Variants in CTNNA3 observed in about 807,000 individuals in gnomAD.
The protein encoded by CTNNA3 is catenin alpha-3.
In CTNNA3, 76 loss-of-function variants were observed where a neutral mutation model predicts 95.7. That is an observed-to-expected ratio of 0.79 (90% confidence interval 0.66 to 0.96). The LOEUF (loss-of-function observed/expected upper bound fraction) is 0.96. CTNNA3 is among the 40% of genes least tolerant of loss of function. CTNNA3 has a pLI of 0.00. For missense variants in CTNNA3, 1,191 were observed against 1,089.8 expected (o/e 1.09, Z -1.31); for synonymous variants, 431 against 374.4 (o/e 1.15, Z -1.74).
chr10:67,462,629 T>A (rs1847422496), intron 5 of CTNNA3, among the ~76,000 whole-genome samples: 1 of 152,222 alleles, frequency 6.6e-6, no homozygotes, highest in African/African-American at 2.4e-5. Flanking sequence ...ACCAATCTAT[T>A]GTGACTAGAA....
rs146694419 is a variant in CTNNA3, at chr10:65,977,334, C to A, written c.2266-10588G>T. 9.7e-3 allele frequency among the ~76,000 whole-genome samples: 1,472 copies of A among 152,140 alleles called. 15 individuals are homozygous for A. The highest frequency in any genetic ancestry group is 0.031 in the Middle Eastern group (9 of 294). ...CGCTTGGAGCCAATATGGAATACAT[C>A]ATTTAGTAATGAGGAAAAATGTAAA... is the stretch of plus-strand genomic sequence containing the variant. On this transcript the variant is annotated intron_variant, in intron 16 of 17. Transcript: ENST00000433211.
At chr10:66,758,875 C>T (rs1839483472) in intron 9 of CTNNA3, among the ~76,000 whole-genome samples, 1 of 152,048 alleles carries the variant, frequency 6.6e-6, no homozygotes, top group African/African-American at 2.4e-5. Flanking sequence ...GCAGAGGTTG[C>T]CGTGAGCCTA....
intron 11 of CTNNA3, among the ~76,000 whole-genome samples, chr10:66,422,873 A>AC (rs144120582): frequency 0.033 from 4,968 of 151,174 alleles, 343 homozygotes; most frequent in East Asian, 0.23. Flanking sequence ...CAAGTGATCC[A>AC]CCTCCCTCGG....
At chr10:67,419,958 T>A (rs913331200) in intron 5 of CTNNA3, among the ~76,000 whole-genome samples, 1 of 152,104 alleles carries the variant, frequency 6.6e-6, no homozygotes. Flanking sequence ...TTCAAGGGAT[T>A]CTCCCACTTC....
At chr10:66,675,582 T>A (rs1270005313) in intron 9 of CTNNA3, among the ~76,000 whole-genome samples, 3 of 152,178 alleles carry the variant, frequency 2.0e-5, no homozygotes, top group African/African-American at 7.2e-5. Context: ...ACTTGCAATC[T>A]GAATTTAATT....
chr10:65,987,741 C>T (rs1229400858), intron 16 of CTNNA3, among the ~76,000 whole-genome samples: 1 of 152,068 alleles, frequency 6.6e-6, no homozygotes, highest in Admixed American at 6.6e-5. Flanking sequence ...CCTATGCTTA[C>T]TGCAGCACTG....
chr10:67,020,964 G>C (rs1177827536), intron 7 of CTNNA3, among the ~76,000 whole-genome samples: 1 of 152,180 alleles, frequency 6.6e-6, no homozygotes, highest in African/African-American at 2.4e-5. Context: ...AGGCTAGAAG[G>C]CTAGTTAAAC....
At chr10:66,638,423 C>T (rs1845407618) in intron 9 of CTNNA3, among the ~76,000 whole-genome samples, 1 of 152,102 alleles carries the variant, frequency 6.6e-6, no homozygotes, top group African/African-American at 2.4e-5. Context: ...TAATATCCTC[C>T]CGCCGCCGCC....
In CTNNA3 at chr10:67,015,107, A is replaced by T. The variant is rs74480155; in HGVS notation, c.1047+165210T>A. ...TCATCTGTCTATTTCAACATTAGGT[A>T]GTAGCTATTAACCCCATGCTATGTA... On this transcript the variant is annotated intron_variant, in intron 7 of 17. Transcript: ENST00000433211. 7.8e-3 allele frequency among the ~76,000 whole-genome samples: 1,182 copies of T among 152,256 alleles called. 41 individuals are homozygous for T. The East Asian group carries it at 0.11, about 14-fold the overall frequency.
At chr10:66,935,855 T>A (rs905972263) in intron 7 of CTNNA3, among the ~76,000 whole-genome samples, 2 of 149,896 alleles carry the variant, frequency 1.3e-5, no homozygotes, top group South Asian at 4.1e-4. Flanking sequence ...TCATTAATCC[T>A]ATACATTTTC....
chr10:67,513,178 G>C (rs763113404), intron 5 of CTNNA3, among the ~76,000 whole-genome samples: 1 of 152,088 alleles, frequency 6.6e-6, no homozygotes, highest in Non-Finnish European at 1.5e-5. Flanking sequence ...AATGCAACAA[G>C]GTTCCTACAG....
At chr10:67,595,124 C>T (rs905292136) in intron 3 of CTNNA3, among the ~76,000 whole-genome samples, 1 of 152,152 alleles carries the variant, frequency 6.6e-6, no homozygotes, top group Admixed American at 6.5e-5. Flanking sequence ...TGTTTTACGT[C>T]TCAATTTTAT....
chr10:66,594,581 C>T (rs1320448886), intron 10 of CTNNA3, among the ~76,000 whole-genome samples: 1 of 152,152 alleles, frequency 6.6e-6, no homozygotes, highest in Non-Finnish European at 1.5e-5. Context: ...GTTTCTTCTG[C>T]CTGAAAAGCT....
intron 7 of CTNNA3, among the ~76,000 whole-genome samples, chr10:67,025,181 G>T (rs1210551956): frequency 6.8e-6 from 1 of 146,042 alleles, no homozygotes; most frequent in Non-Finnish European, 1.5e-5. Context: ...AGGAAAGAAA[G>T]AAAAGAAACC....
chr10:66,938,159 AT>A lies in CTNNA3; in HGVS notation c.1048-162636del, dbSNP rs1200438602. Among the ~76,000 whole-genome samples the A allele has an allele frequency of 1.1e-4, 16 of 152,308 alleles. No homozygotes were observed. In the East Asian group the frequency reaches 3.1e-3, roughly 29 times the overall value. ...CAACCTTATATTTCTTTGTGTAGTC[AT>A]AAAAACTTTTTTTAGTTTTAATTTA... On this transcript the variant is annotated intron_variant, in intron 7 of 17. Transcript: ENST00000433211.
intron 15 of CTNNA3, among the ~76,000 whole-genome samples, chr10:66,043,530 T>C (rs1463619892): frequency 6.6e-6 from 1 of 152,198 alleles, no homozygotes. Context: ...TACTGTCCTT[T>C]TCTGTCAATG....
intron 8 of CTNNA3, 85 bp downstream of exon 8, chr10:66,775,359 A>G: frequency 1.1e-6 from 1 of 929,456 alleles, no homozygotes; most frequent in Non-Finnish European, 1.7e-6. Context: ...TGAAAGGAAC[A>G]AAACAAGAAA....
intron 6 of CTNNA3, among the ~76,000 whole-genome samples, chr10:67,199,163 G>C (rs1256094206): frequency 6.6e-6 from 1 of 152,114 alleles, no homozygotes; most frequent in Non-Finnish European, 1.5e-5. Flanking sequence ...TGAAAGTAAA[G>C]AAACAGTTTG....
chr10:67,307,005 C>CA (rs1022839552), intron 5 of CTNNA3, among the ~76,000 whole-genome samples: 1 of 152,024 alleles, frequency 6.6e-6, no homozygotes, highest in African/African-American at 2.4e-5. Context: ...AAGGAAGATA[C>CA]AAAAAAATGT....
Sources: allele counts gnomAD v4.1 joint callset (sites outside exome capture counted in the v4.1 genomes callset), GRCh38; gene constraint gnomAD v4.1.1; transcripts MANE v1.5; gene names NCBI Gene and HGNC (gene_info 2026-07-23, HGNC 2026-07-21).